The following APAF1 variants were observed in gnomAD, a reference collection of about 807,000 sequenced individuals.
APAF1 encodes apoptotic protease-activating factor 1.
In APAF1, 91 loss-of-function variants were observed where a neutral mutation model predicts 152.4. That is an observed-to-expected ratio of 0.60 (90% CI 0.50 to 0.71). APAF1 has a LOEUF of 0.71. Ranked by LOEUF, APAF1 falls within the 30% of genes least tolerant of loss-of-function variation. The probability of loss-of-function intolerance (pLI) is 0.00; values close to 1 mark genes in which losing one functional copy is unlikely to be tolerated. For synonymous variants in APAF1, 484 were observed against 494.1 expected, an observed-to-expected ratio of 0.98 and a Z score of 0.27; for missense variants, 1,283 against 1,472.0, an observed-to-expected ratio of 0.87 and a Z score of 2.10.
Position 98,703,554 on chromosome 12 carries a change from C to T in APAF1, c.2595+55C>T, listed in dbSNP as rs117104034. 3,070 of 1,609,290 alleles carry T rather than the reference C, an allele frequency of 1.9e-3. 7 individuals carry two copies. Among genetic ancestry groups the T allele is most frequent in the Non-Finnish European group, 2.4e-3 (2,812 of 1,176,006 alleles). On this transcript the variant is annotated intron_variant, in intron 18 of 26. Transcript: ENST00000551964. Reference sequence around the variant, plus strand: ...TGGGTTTCCAGAGATCAAAGGATGACAGAGAATGGGCAGCTTAAACCATTA... The same window carrying T: ...TGGGTTTCCAGAGATCAAAGGATGATAGAGAATGGGCAGCTTAAACCATTA...
Position 98,703,271 on chromosome 12 carries a change from C to T in APAF1, c.2467-100C>T, listed in dbSNP as rs965259131. 2.3e-6 allele frequency: 3 copies of T among 1,318,134 alleles called. No individual in the cohort carries two copies. In the African/African-American group the frequency reaches 4.3e-5, roughly 19 times the overall value. 81.7% of individuals were successfully genotyped at this position (1,318,134 alleles called of 1,614,324 possible). A position where few individuals can be genotyped will look rare whatever the true frequency, so the allele number is the denominator to read the frequency against. On this transcript the variant is annotated intron_variant, in intron 17 of 26. Coordinates refer to ENST00000551964, the MANE Select transcript of APAF1 (RefSeq NM_181861.2). ...AATTATGCCAGTTATCAGTAATTGTCATATTTTTTTCAGGACTTATATTTG... is the reference window on the plus strand; with the variant it reads ...AATTATGCCAGTTATCAGTAATTGTTATATTTTTTTCAGGACTTATATTTG...
intron 5 of APAF1, among the ~76,000 whole-genome samples, chr12:98,661,904 G>A (rs2097665869): frequency 1.3e-5 from 2 of 151,914 alleles, no homozygotes; most frequent in Non-Finnish European, 1.5e-5. Flanking sequence ...CTGGGAACTG[G>A]CATAGAGGTT....
At chr12:98,703,767 A>G (rs2153336439) in intron 18 of APAF1, among the ~76,000 whole-genome samples, 1 of 152,344 alleles carries the variant, frequency 6.6e-6, no homozygotes. Context: ...AGGAACTGGG[A>G]AAACAATGGA....
chr12:98,708,918 C>T (rs1241308825), intron 20 of APAF1, among the ~76,000 whole-genome samples: 1 of 152,220 alleles, frequency 6.6e-6, no homozygotes, highest in Non-Finnish European at 1.5e-5. Context: ...TCTCACTGCT[C>T]TTCTGTTGCT....
Position 98,735,385 on chromosome 12 carries a change from T to G in APAF1, c.*2819T>G. 1 of 430,648 alleles carries G rather than the reference T, an allele frequency of 2.3e-6. No homozygotes were observed. The highest frequency in any genetic ancestry group is 4.1e-6 in the Non-Finnish European group (1 of 241,940). The allele number at this position is 430,648 out of a possible 1,614,324, so 26.7% of individuals were successfully genotyped here. A position where few individuals can be genotyped will look rare whatever the true frequency, so the allele number is the denominator to read the frequency against. On this transcript the variant is annotated 3_prime_UTR_variant, in exon 27 of 27. Transcript: ENST00000551964. ...TTGGTATACATTTTAAAATATGAATTTAAAAAATTTTTGTAAAAATAAAAT... is the reference window on the plus strand; with the variant it reads ...TTGGTATACATTTTAAAATATGAATGTAAAAAATTTTTGTAAAAATAAAAT...
chr12:98,665,477 G>GT lies in APAF1; in HGVS notation c.956-75dup, dbSNP rs1470530962. The GT allele has an allele frequency of 4.1e-6, 4 of 983,122 alleles. No homozygotes were observed. In the East Asian group the frequency reaches 9.5e-5, roughly 23 times the overall value. The allele number at this position is 983,122 out of a possible 1,614,324, so 60.9% of individuals were successfully genotyped here. A position where few individuals can be genotyped will look rare whatever the true frequency, so the allele number is the denominator to read the frequency against. On this transcript the variant is annotated intron_variant, in intron 7 of 26. Coordinates refer to ENST00000551964, the MANE Select transcript of APAF1 (RefSeq NM_181861.2). ...GCAGCAGAAATTGTTTCTTAGTAAT[G>GT]TAAGTAAGTAAGTCGATTCTTATTA...
At chr12:98,695,630 A>G (rs2097709081) in intron 16 of APAF1, among the ~76,000 whole-genome samples, 1 of 152,176 alleles carries the variant, frequency 6.6e-6, no homozygotes, top group South Asian at 2.1e-4. Flanking sequence ...ACTTTCTCTT[A>G]ATTTTCCTGT....
chr12:98,718,090 A>T (rs753853947), intron 22 of APAF1, among the ~76,000 whole-genome samples: 2 of 152,118 alleles, frequency 1.3e-5, no homozygotes, highest in Non-Finnish European at 2.9e-5. Flanking sequence ...TCATTCTCAG[A>T]ATTGTAATTC....
intron 9 of APAF1, among the ~76,000 whole-genome samples, chr12:98,667,227 T>C (rs563933326): frequency 6.6e-6 from 1 of 152,042 alleles, no homozygotes; most frequent in African/African-American, 2.4e-5. Context: ...TCCCGAGTAG[T>C]TGGGTCTGCA....
At chr12:98,720,715 C>T (rs934288861) in intron 22 of APAF1, among the ~76,000 whole-genome samples, 12 of 152,170 alleles carry the variant, frequency 7.9e-5, no homozygotes, top group Non-Finnish European at 1.6e-4. Flanking sequence ...CCTGTAATCC[C>T]GGCACTTTGG....
intron 16 of APAF1, among the ~76,000 whole-genome samples, chr12:98,694,875 C>A (rs1006033945): frequency 1.6e-4 from 23 of 146,584 alleles, no homozygotes; most frequent in Admixed American, 2.7e-4. Context: ...TTATCATGAA[C>A]AATTTTTTTT....
intron 16 of APAF1, among the ~76,000 whole-genome samples, chr12:98,691,004 C>G (rs549455782): frequency 1.3e-5 from 2 of 152,122 alleles, no homozygotes; most frequent in East Asian, 3.9e-4. Context: ...GTCAGGAGTT[C>G]GAGACCAGCC....
intron 15 of APAF1, among the ~76,000 whole-genome samples, chr12:98,685,612 G>T (rs1304844758): frequency 6.6e-6 from 1 of 151,904 alleles, no homozygotes; most frequent in Admixed American, 6.6e-5. Flanking sequence ...AGGATTACAG[G>T]TGTGAGCCAC....
rs367942061 is a variant in APAF1, at chr12:98,715,475, A to G, written c.3007A>G (p.Lys1003Glu). The change falls in exon 22 of 27, where the codon AAG becomes GAG. Residue 1003 changes from lysine (K) to glutamate (E), a missense_variant. By Grantham distance (56) the Lys-to-Glu change is moderately conservative. Transcript: ENST00000551964. ...AATCTTCCAGTCCAGGTTTCAGCAC[A>G]AGAAAACTGTATGGCACATCCAGTT... Reference protein sequence around the residue: ...NRIFQSRFQHKKTVWHIQFTA... With the variant: ...NRIFQSRFQHEKTVWHIQFTA... 3.0e-5 allele frequency: 48 copies of G among 1,613,454 alleles called. No individual in the cohort carries two copies. Among genetic ancestry groups the G allele is most frequent in the Non-Finnish European group, 3.6e-5 (43 of 1,179,712 alleles).
At chr12:98,668,247 G>A (rs1258293709) in intron 10 of APAF1, among the ~76,000 whole-genome samples, 2 of 152,070 alleles carry the variant, frequency 1.3e-5, no homozygotes, top group Non-Finnish European at 2.9e-5. Flanking sequence ...GTTTTTACCT[G>A]TAGTGATTAG....
At chr12:98,709,412 G>T (rs1450267942) in intron 20 of APAF1, among the ~76,000 whole-genome samples, 1 of 152,128 alleles carries the variant, frequency 6.6e-6, no homozygotes, top group South Asian at 2.1e-4. Flanking sequence ...CAGAGGAATG[G>T]TATTCAGGAG....
intron 21 of APAF1, among the ~76,000 whole-genome samples, 146 bp from the exon 22 acceptor site, chr12:98,715,270 ATATATATATAT>A (rs1250892020): frequency 2.8e-5 from 3 of 107,036 alleles, no homozygotes; most frequent in East Asian, 8.7e-4. Flanking sequence ...ATATATATAT[ATATATATATAT>A]GACATTCATT....
chr12:98,664,311 G>C (rs748754370), intron 7 of APAF1, among the ~76,000 whole-genome samples: 109 of 152,122 alleles, frequency 7.2e-4, no homozygotes, highest in Middle Eastern at 3.4e-3. Context: ...GCCACCACAC[G>C]TGGCCAGTTT....
intron 22 of APAF1, 67 bp from the exon 23 acceptor site, chr12:98,723,126 C>T: frequency 5.9e-6 from 9 of 1,531,674 alleles, no homozygotes; most frequent in Non-Finnish European, 8.1e-6. Context: ...AATGTACACT[C>T]TCTCCACCCC....
Sources: allele counts gnomAD v4.1 joint callset (sites outside exome capture counted in the v4.1 genomes callset), GRCh38; gene constraint gnomAD v4.1.1; transcripts MANE v1.5; gene names NCBI Gene and HGNC (gene_info 2026-07-23, HGNC 2026-07-21).